The following TNS3 variants were observed in gnomAD, a reference collection of about 807,000 sequenced individuals.
The protein encoded by TNS3 is tensin 3.
In TNS3, 45 loss-of-function variants were observed where a neutral mutation model predicts 140.9. The observed-to-expected ratio is 0.32, with a 90% CI of 0.25 to 0.41. TNS3 has a LOEUF of 0.41. Ranked by LOEUF, TNS3 falls within the 10% of genes least tolerant of loss-of-function variation. The pLI is 1.00. For missense variants in TNS3, 1,716 were observed against 1,906.7 expected (o/e 0.90, Z 1.86); for synonymous variants, 815 against 788.4 (o/e 1.03, Z -0.56).
At position 47,344,993 on chromosome 7, in the gene TNS3, T is replaced by C. The variant is rs762133923; in HGVS notation, c.2497A>G (p.Arg833Gly). 4 of 1,614,128 alleles carry C rather than the reference T, an allele frequency of 2.5e-6. No individual in the cohort carries two copies. Among genetic ancestry groups the C allele is most frequent in the Non-Finnish European group, 1.7e-6 (2 of 1,180,056 alleles). Residue 833 changes from arginine (R) to glycine (G), a missense_variant, in exon 19 of 31, where the codon AGA becomes GGA. Transcript: ENST00000311160. ...ATGGACTCCTTGCTACTTAAAATTC[T>C]GCCATCGATAATATCGAGGTCCTGG... ...YPQDLDIIDG[R>G]ILSSKESMCS...
chr7:47,389,684 C>A (rs532084135), intron 16 of TNS3, among the ~76,000 whole-genome samples: 6 of 152,348 alleles, frequency 3.9e-5, no homozygotes, highest in African/African-American at 1.2e-4. Context: ...AGAGGGTACG[C>A]CTCTCGCACT....
chr7:47,411,728 A>G lies in TNS3; in HGVS notation c.722T>C (p.Met241Thr). ...TCTGCGGCCACAGCGGGCACTCACC[A>G]TGACATCTCCCTTCAGAAGCTGGGC... ...EPAQLLKGDV[M>T]VKCYHKKYRS... The change falls in exon 13 of 31, where the codon ATG becomes ACG. Residue 241 changes from methionine to threonine, a missense_variant and splice_region_variant. Transcript: ENST00000311160. 1 of 1,610,932 alleles carries G rather than the reference A, an allele frequency of 6.2e-7. No homozygotes were observed. The highest frequency in any genetic ancestry group is 1.7e-5 in the Admixed American group (1 of 59,796).
At chr7:47,469,869 G>T (rs768742762) in intron 4 of TNS3, among the ~76,000 whole-genome samples, 6 of 150,010 alleles carry the variant, frequency 4.0e-5, no homozygotes, top group Non-Finnish European at 7.4e-5. Context: ...AGTTACTCAG[G>T]AGGCTAAGGC....
intron 1 of TNS3, among the ~76,000 whole-genome samples, chr7:47,560,633 G>T (rs1048461525): frequency 1.3e-5 from 2 of 152,076 alleles, no homozygotes; most frequent in Non-Finnish European, 2.9e-5. Flanking sequence ...TGCAACCCTC[G>T]AACTGGGATC....
At position 47,368,995 on chromosome 7, in the gene TNS3, G is replaced by A. The variant is rs1165430387; in HGVS notation, c.1651C>T (p.Arg551Trp). 8 of 1,613,834 alleles carry A rather than the reference G, an allele frequency of 5.0e-6. No homozygotes were observed. Among genetic ancestry groups the A allele is most frequent in the East Asian group, 4.5e-5 (2 of 44,890 alleles). The change falls in exon 17 of 31, where the codon CGG becomes TGG. Residue 551 changes from arginine (R) to tryptophan (W), a missense_variant. Around this residue, in one of 3 missense-constraint regions of TNS3, gnomAD observed 1,163 missense variants for 1,182.1 expected, o/e 0.98. Transcript: ENST00000311160. ...LGLGMDGPYE[R>W]ERTFGSREPK... Reference sequence around the variant, plus strand: ...TCTCGACTCCCAAAAGTCCGCTCCCGCTCATAGGGGCCGTCCATGCCAAGG... The same window carrying A: ...TCTCGACTCCCAAAAGTCCGCTCCCACTCATAGGGGCCGTCCATGCCAAGG...
At position 47,368,776 on chromosome 7, in the gene TNS3, G is replaced by C; in HGVS notation, c.1870C>G (p.Gln624Glu). 1 of 1,598,312 alleles carries C rather than the reference G, an allele frequency of 6.3e-7. No individual in the cohort carries two copies. Among genetic ancestry groups the C allele is most frequent in the Non-Finnish European group, 8.5e-7 (1 of 1,172,884 alleles). Reference protein sequence around the residue: ...RCPADNPGLVQAQPRVPLTPT... With the variant: ...RCPADNPGLVEAQPRVPLTPT... ...GTGAGTGGCACTCTGGGCTGGGCCT[G>C]GACGAGGCCAGGATTGTCTGCAGGG... Residue 624 changes from glutamine (Q) to glutamate (E), a missense_variant, in exon 17 of 31, where the codon CAG becomes GAG. By Grantham distance (29) the Gln-to-Glu change is conservative. Transcript: ENST00000311160.
At chr7:47,316,499 T>C (rs556890996) in intron 20 of TNS3, among the ~76,000 whole-genome samples, 1 of 152,182 alleles carries the variant, frequency 6.6e-6, no homozygotes, top group East Asian at 1.9e-4. Context: ...AGCAAGACTT[T>C]GTATTGGAGT....
At chr7:47,365,569 T>A (rs1287502855) in intron 17 of TNS3, among the ~76,000 whole-genome samples, 1 of 152,028 alleles carries the variant, frequency 6.6e-6, no homozygotes, top group Admixed American at 6.6e-5. Context: ...CGAGACCTTC[T>A]TGGCTAACAT....
At chr7:47,519,910 G>A (rs559202913) in intron 2 of TNS3, among the ~76,000 whole-genome samples, 84 of 128,314 alleles carry the variant, frequency 6.5e-4, no homozygotes, top group Non-Finnish European at 1.2e-3. Context: ...TGCAAGCTCC[G>A]CCTCCCGGGT....
chr7:47,517,844 AG>A (rs1334472648), intron 2 of TNS3, among the ~76,000 whole-genome samples: 2 of 152,224 alleles, frequency 1.3e-5, no homozygotes, highest in Non-Finnish European at 2.9e-5. Flanking sequence ...GGTCAAGAAA[AG>A]TCTGAAGAGA....
At chr7:47,360,388 G>A (rs1790245457) in intron 17 of TNS3, among the ~76,000 whole-genome samples, 7 of 152,182 alleles carry the variant, frequency 4.6e-5, no homozygotes, top group Admixed American at 4.6e-4. Context: ...AGAGACTGAA[G>A]CTCACAGATG....
chr7:47,305,010 C>A lies in TNS3; in HGVS notation c.2651-7G>T. On this transcript the variant is annotated splice_region_variant and splice_polypyrimidine_tract_variant and intron_variant, in intron 20 of 30. Transcript: ENST00000311160. ...TCAGGGCAGCTTCGTGGTTCTGTAG[C>A]GGGAACACAGGAAGCAGAGAGACCT... 1 of 1,335,536 alleles carries A rather than the reference C, an allele frequency of 7.5e-7. No homozygotes were observed. Among genetic ancestry groups the A allele is most frequent in the Non-Finnish European group, 9.7e-7 (1 of 1,032,648 alleles). 82.7% of individuals were successfully genotyped at this position (1,335,536 alleles called of 1,614,324 possible).
intron 17 of TNS3, among the ~76,000 whole-genome samples, chr7:47,352,156 C>G (rs753298231): frequency 6.6e-6 from 1 of 152,076 alleles, no homozygotes; most frequent in Admixed American, 6.5e-5. Context: ...CTTGCACTAA[C>G]ACTCTCACCC....
At chr7:47,476,421 C>T (rs79249109) in intron 4 of TNS3, among the ~76,000 whole-genome samples, 3,368 of 152,278 alleles carry the variant, frequency 0.022, 64 homozygotes, top group Non-Finnish European at 0.035. Flanking sequence ...GTAAGGAGCC[C>T]GGCCACCTCT....
chr7:47,280,366 TG>T lies in TNS3; in HGVS notation c.4098-13del. ...TCCGGAAGAAGAGCCTGTTGGGACA[TG>T]GGGGAGAGAGGATGGCTCCTGTTAC... On this transcript the variant is annotated splice_polypyrimidine_tract_variant and intron_variant, in intron 28 of 30. Transcript: ENST00000311160. The T allele has an allele frequency of 1.9e-6, 3 of 1,613,824 alleles. No homozygotes were observed. The highest frequency in any genetic ancestry group is 2.5e-6 in the Non-Finnish European group (3 of 1,179,916).
rs73695343 is a variant in TNS3, at chr7:47,453,339, C to T, written c.-75-11284G>A. ...GTGGCTGTGCCTTCCTGGGGACTAG[C>T]CACTAGGGAGAACCGCCTCTCAAAA... On this transcript the variant is annotated intron_variant, in intron 4 of 30. Transcript: ENST00000311160. 5.8e-4 allele frequency: 454 copies of T among 776,766 alleles called. 4 individuals carry two copies. In the African/African-American group the frequency reaches 7.9e-3, roughly 14 times the overall value. 48.1% of individuals were successfully genotyped at this position (776,766 alleles called of 1,614,324 possible).
intron 28 of TNS3, 118 bp from the exon 29 acceptor site, chr7:47,280,472 C>T (rs1785084894): frequency 2.2e-6 from 2 of 922,772 alleles, no homozygotes; most frequent in Admixed American, 2.0e-5. Flanking sequence ...ACATTTCATA[C>T]TTTTACTCAT....
chr7:47,572,323 C>A (rs1219734910), intron 1 of TNS3, among the ~76,000 whole-genome samples: 1 of 152,208 alleles, frequency 6.6e-6, no homozygotes, highest in African/African-American at 2.4e-5. Flanking sequence ...TTTGGGAGAA[C>A]CATTCGCGCG....
At chr7:47,302,086 C>A in intron 23 of TNS3, 100 bp downstream of exon 23, 1 of 954,498 alleles carries the variant, frequency 1.0e-6, no homozygotes, top group Non-Finnish European at 1.7e-6. Context: ...ATGAAGGCCA[C>A]GGCTGCCCGA....
Sources: gnomAD v4.1 joint callset for allele counts (sites outside exome capture counted in the v4.1 genomes callset) on GRCh38, gnomAD v4.1.1 for gene constraint, gnomAD v4.1.1 regional missense constraint, MANE v1.5 for transcripts, NCBI Gene and HGNC (gene_info 2026-07-23, HGNC 2026-07-21) for gene names.